Variants in PEX11G observed in about 807,000 individuals in gnomAD.
The protein encoded by PEX11G is peroxisomal biogenesis factor 11 gamma.
A neutral mutation model predicts 22.5 loss-of-function variants in PEX11G; 20 were observed. That is an observed-to-expected ratio of 0.89 (90% CI 0.62 to 1.29). The LOEUF is 1.29. PEX11G is among the 50% of genes most tolerant of loss of function. The pLI is 0.00. For synonymous variants in PEX11G, 141 were observed against 154.5 expected (o/e 0.91, Z 0.65); for missense variants, 347 against 331.3 (o/e 1.05, Z -0.37).
At chr19:7,485,225 A>C (rs1467488062) in intron 2 of PEX11G, among the ~76,000 whole-genome samples, 2 of 152,290 alleles carry the variant, frequency 1.3e-5, no homozygotes, top group African/African-American at 4.8e-5. Flanking sequence ...CTGCCAGTGC[A>C]GTGGCACAAT....
upstream of PEX11G, among the ~76,000 whole-genome samples, chr19:7,493,426 C>A (rs2021923699): frequency 6.6e-6 from 1 of 151,902 alleles, no homozygotes; most frequent in African/African-American, 2.4e-5. Flanking sequence ...AACTCCTGGG[C>A]TCAAGTGATC....
At position 7,477,357 on chromosome 19, in the gene PEX11G, C is replaced by G. The variant is rs201484351; in HGVS notation, c.571G>C (p.Asp191His). 6.4e-7 allele frequency: 1 copy of G among 1,557,520 alleles called. No homozygotes were observed. Among genetic ancestry groups the G allele is most frequent in the African/African-American group, 1.4e-5 (1 of 73,056 alleles). ...AGCCAGTGCACGGCGTTGGCCAGGT[C>G]GGCCAGGTTGCTGAGAAGTGACAGC... The part of the protein sequence containing the change: ...EALSLLSNLA[D>H]LANAVHWLPR... Residue 191 changes from aspartate to histidine, a missense_variant, in exon 5 of 5, where the codon GAC (aspartate) becomes CAC (histidine). Asp to His is a moderately conservative substitution (Grantham distance 81, BLOSUM62 -1). Coordinates refer to ENST00000221480, the MANE Select transcript of PEX11G (RefSeq NM_080662.4).
rs751413164 is a variant in PEX11G at position 7,477,347 on chromosome 19, T to C, written c.581A>G (p.Asn194Ser). 7.7e-6 allele frequency: 12 copies of C among 1,559,170 alleles called. No individual in the cohort carries two copies. In the African/African-American group the frequency reaches 1.5e-4, roughly 20 times the overall value. Residue 194 changes from asparagine (N) to serine (S), a missense_variant, in exon 5 of 5, where the codon AAC (asparagine) becomes AGC (serine). Physicochemically the swap from Asn to Ser is conservative, Grantham distance 46 (BLOSUM62 1). Transcript: ENST00000221480. Reference protein sequence around the residue: ...SLLSNLADLANAVHWLPRGVL... With the variant: ...SLLSNLADLASAVHWLPRGVL... ...GCCCCGGGGCAGCCAGTGCACGGCG[T>C]TGGCCAGGTCGGCCAGGTTGCTGAG...
At chr19:7,480,061 G>A (rs1016834190) in intron 3 of PEX11G, among the ~76,000 whole-genome samples, 2 of 152,090 alleles carry the variant, frequency 1.3e-5, no homozygotes, top group African/African-American at 4.8e-5. Context: ...CCCAGGAGTT[G>A]GAGACCAGTC....
At chr19:7,493,889 C>G (rs561316671), upstream of PEX11G, among the ~76,000 whole-genome samples, 4 of 149,844 alleles carry the variant, frequency 2.7e-5, no homozygotes, top group African/African-American at 9.8e-5. Context: ...ACTCCCCTCT[C>G]CCCCAGTGGG....
chr19:7,489,366 G>T (rs563990098), upstream of PEX11G: 12 of 1,067,782 alleles, frequency 1.1e-5, no homozygotes, highest in African/African-American at 1.8e-4. Flanking sequence ...AGTGGTTCAA[G>T]GAGAGATTTT....
At chr19:7,489,113 G>A (rs1277958589), upstream of PEX11G, 20 of 1,313,818 alleles carry the variant, frequency 1.5e-5, no homozygotes, top group South Asian at 1.7e-5. Flanking sequence ...AGGCGCGGCC[G>A]CAGGCCTTTG....
At chr19:7,491,853 T>TA (rs1568385828), upstream of PEX11G, among the ~76,000 whole-genome samples, 1 of 151,828 alleles carries the variant, frequency 6.6e-6, no homozygotes, top group Admixed American at 6.6e-5. Context: ...AGATGCGGTC[T>TA]CGCTATGTTC....
At chr19:7,479,409 G>A (rs1024592889) in intron 3 of PEX11G, among the ~76,000 whole-genome samples, 3 of 152,154 alleles carry the variant, frequency 2.0e-5, no homozygotes, top group Non-Finnish European at 2.9e-5. Context: ...ACTTGACCCC[G>A]GGAGGTGGAG....
intron 2 of PEX11G, among the ~76,000 whole-genome samples, chr19:7,483,837 C>G (rs1307637022): frequency 2.0e-5 from 3 of 152,224 alleles, no homozygotes; most frequent in East Asian, 1.9e-4. Flanking sequence ...GGCTGGCCCA[C>G]GCAGCCTCTG....
At chr19:7,489,069 C>T (rs1387679397), upstream of PEX11G, 2 of 1,437,290 alleles carry the variant, frequency 1.4e-6, no homozygotes, top group African/African-American at 1.5e-5. Context: ...GGGGCCAGGC[C>T]GGGGTACCGG....
intron 1 of PEX11G, among the ~76,000 whole-genome samples, chr19:7,494,383 C>T (rs1305531587): frequency 6.6e-6 from 1 of 152,070 alleles, no homozygotes; most frequent in Non-Finnish European, 1.5e-5. Flanking sequence ...CAGCAAGACC[C>T]ATCTCTAAAA....
At chr19:7,480,616 T>C (rs1238674321) in intron 3 of PEX11G, among the ~76,000 whole-genome samples, 1 of 152,212 alleles carries the variant, frequency 6.6e-6, no homozygotes, top group Non-Finnish European at 1.5e-5. Context: ...AATCTTCTAC[T>C]CTGAGGTTTA....
intron 1 of PEX11G, among the ~76,000 whole-genome samples, chr19:7,487,082 G>A (rs553547231): frequency 1.3e-5 from 2 of 152,144 alleles, no homozygotes; most frequent in Admixed American, 1.3e-4. Flanking sequence ...AAAGCTGGAA[G>A]TTTAAAAACA....
intron 3 of PEX11G, among the ~76,000 whole-genome samples, chr19:7,478,824 AC>A (rs1361203602): frequency 6.6e-6 from 1 of 151,882 alleles, no homozygotes; most frequent in Non-Finnish European, 1.5e-5. Flanking sequence ...CCATGCCAGC[AC>A]CCCCTGCACA....
rs1041560367 is a variant in PEX11G, at chr19:7,477,004, G to A, written c.*198C>T. 12 of 434,482 alleles carry A rather than the reference G, an allele frequency of 2.8e-5. No individual in the cohort carries two copies. Among genetic ancestry groups the A allele is most frequent in the South Asian group, 7.5e-5 (1 of 13,250 alleles). 26.9% of individuals were successfully genotyped at this position (434,482 alleles called of 1,614,324 possible). A position where few individuals can be genotyped will look rare whatever the true frequency, so the allele number is the denominator to read the frequency against. ...AGGAGGTGCTGCTGAAGCCCTGCACGGCCCCTGAAAACTGTCACGGCTCAG... is the reference window on the plus strand; with the variant it reads ...AGGAGGTGCTGCTGAAGCCCTGCACAGCCCCTGAAAACTGTCACGGCTCAG... On this transcript the variant is annotated 3_prime_UTR_variant, in exon 5 of 5. Transcript: ENST00000221480.
chr19:7,489,077 C>A, upstream of PEX11G: 9 of 1,423,858 alleles, frequency 6.3e-6, no homozygotes, highest in South Asian at 1.3e-4. Flanking sequence ...GCCGGGGTAC[C>A]GGGAGCGCCC....
upstream of PEX11G, among the ~76,000 whole-genome samples, chr19:7,492,502 G>C (rs575228352): frequency 4.0e-5 from 6 of 151,858 alleles, no homozygotes; most frequent in South Asian, 1.2e-3. Flanking sequence ...GGAGTGCAGT[G>C]CTGATCTCAG....
intron 1 of PEX11G, among the ~76,000 whole-genome samples, chr19:7,487,848 C>T (rs1202360230): frequency 6.6e-6 from 1 of 152,150 alleles, no homozygotes; most frequent in Non-Finnish European, 1.5e-5. Context: ...ATGTTCAACT[C>T]GGGGGAGATT....
Sources: allele counts gnomAD v4.1 joint callset (sites outside exome capture counted in the v4.1 genomes callset), GRCh38; gene constraint gnomAD v4.1.1; transcripts MANE v1.5; gene names NCBI Gene and HGNC (gene_info 2026-07-23, HGNC 2026-07-21).